WWTR1: variants seen among roughly 807,000 people sequenced by gnomAD.
WWTR1 encodes WW domain containing transcription regulator 1.
In WWTR1, 13 loss-of-function variants were observed where a neutral mutation model predicts 40.1. The ratio of observed to expected loss-of-function variants is 0.32; its 90% CI spans 0.21 to 0.52. The LOEUF is 0.52. Ranked by LOEUF, WWTR1 falls within the 20% of genes least tolerant of loss-of-function variation. The pLI is 0.97. For missense variants in WWTR1, 436 were observed against 523.1 expected (o/e 0.83, Z 1.63); for synonymous variants, 230 against 210.1 (o/e 1.09, Z -0.82).
intron 2 of WWTR1, among the ~76,000 whole-genome samples, chr3:149,634,228 C>A (rs1336133053): frequency 6.6e-6 from 1 of 152,186 alleles, no homozygotes; most frequent in Non-Finnish European, 1.5e-5. Context: ...CGGCTTTGGT[C>A]AAGTTCCTTA....
intron 2 of WWTR1, among the ~76,000 whole-genome samples, chr3:149,614,280 G>A (rs1469732430): frequency 6.6e-6 from 1 of 152,056 alleles, no homozygotes; most frequent in Non-Finnish European, 1.5e-5. Flanking sequence ...GAAATGTCGT[G>A]GCACAACACA....
intron 2 of WWTR1, among the ~76,000 whole-genome samples, chr3:149,669,410 C>T (rs747978890): frequency 6.6e-6 from 1 of 152,178 alleles, no homozygotes; most frequent in African/African-American, 2.4e-5. Context: ...CATCTGAACT[C>T]AAAAGGGCTT....
At chr3:149,639,002 T>C (rs1334745056) in intron 2 of WWTR1, among the ~76,000 whole-genome samples, 1 of 152,208 alleles carries the variant, frequency 6.6e-6, no homozygotes, top group Non-Finnish European at 1.5e-5. Context: ...GCAAATCTGA[T>C]GCCAGATACT....
chr3:149,616,248 T>C (rs987351354), intron 2 of WWTR1, among the ~76,000 whole-genome samples: 4 of 152,140 alleles, frequency 2.6e-5, no homozygotes, highest in African/African-American at 4.8e-5. Flanking sequence ...TTCCATAAGA[T>C]CTCATTTTTC....
chr3:149,545,943 G>A (rs539230801), intron 3 of WWTR1, among the ~76,000 whole-genome samples: 2 of 152,222 alleles, frequency 1.3e-5, no homozygotes, highest in Admixed American at 6.5e-5. Flanking sequence ...CCTTGTCGGT[G>A]TACAAAATGC....
rs1734942359 is a variant in WWTR1, at chr3:149,519,511, T to C, written c.*1294A>G. 1.3e-5 allele frequency: 2 copies of C among 152,244 alleles called. No individual in the cohort carries two copies. Among genetic ancestry groups the C allele is most frequent in the South Asian group, 4.1e-4 (2 of 4,838 alleles). 9.4% of individuals were successfully genotyped at this position (152,244 alleles called of 1,614,324 possible). ...AAAAGCAACAGCTCACTGTGTGTGG[T>C]GTGCTATCAGGTTGAAATCTATGTT... On this transcript the variant is annotated 3_prime_UTR_variant, in exon 7 of 7. Coordinates refer to ENST00000360632, the MANE Select transcript of WWTR1 (RefSeq NM_015472.6).
chr3:149,679,743 T>C (rs943890577), intron 1 of WWTR1, among the ~76,000 whole-genome samples: 2 of 152,016 alleles, frequency 1.3e-5, no homozygotes, highest in Non-Finnish European at 2.9e-5. Context: ...GATGAGCTCC[T>C]AGGGATGATG....
intron 2 of WWTR1, among the ~76,000 whole-genome samples, chr3:149,665,698 C>T (rs1650289062): frequency 6.6e-6 from 1 of 152,004 alleles, no homozygotes; most frequent in Non-Finnish European, 1.5e-5. Flanking sequence ...AAACAAAGAT[C>T]TGTGAATACT....
intron 3 of WWTR1, among the ~76,000 whole-genome samples, chr3:149,568,546 A>AAAAAC (rs1737455964): frequency 2.2e-5 from 3 of 139,456 alleles, no homozygotes; most frequent in Non-Finnish European, 3.0e-5. Flanking sequence ...AAAAAAAAAA[A>AAAAAC]AAAAAAAAAA....
chr3:149,579,072 A>G (rs1227705795), intron 2 of WWTR1, among the ~76,000 whole-genome samples: 1 of 152,226 alleles, frequency 6.6e-6, no homozygotes, highest in East Asian at 1.9e-4. Context: ...AAAAATAGGA[A>G]TGATTACAAG....
chr3:149,606,597 G>C (rs1193656390), intron 2 of WWTR1, among the ~76,000 whole-genome samples: 1 of 152,104 alleles, frequency 6.6e-6, no homozygotes, highest in Non-Finnish European at 1.5e-5. Flanking sequence ...TGAGGGGTGG[G>C]TAAAATACCA....
At chr3:149,614,053 T>C (rs1009803441) in intron 2 of WWTR1, among the ~76,000 whole-genome samples, 4 of 152,228 alleles carry the variant, frequency 2.6e-5, no homozygotes, top group Non-Finnish European at 4.4e-5. Context: ...TGTTCTTGCT[T>C]AAATGTCTTT....
At chr3:149,636,731 A>C (rs1560096605) in intron 2 of WWTR1, among the ~76,000 whole-genome samples, 1 of 152,150 alleles carries the variant, frequency 6.6e-6, no homozygotes, top group Non-Finnish European at 1.5e-5. Flanking sequence ...AAAATCATTT[A>C]TATTTCTTTC....
intron 2 of WWTR1, among the ~76,000 whole-genome samples, chr3:149,669,161 C>A (rs1247445161): frequency 3.3e-5 from 5 of 152,154 alleles, no homozygotes; most frequent in African/African-American, 1.2e-4. Flanking sequence ...CCCACATATA[C>A]AAGGTTATAC....
At chr3:149,612,322 G>A (rs999271148) in intron 2 of WWTR1, among the ~76,000 whole-genome samples, 1 of 151,606 alleles carries the variant, frequency 6.6e-6, no homozygotes, top group Non-Finnish European at 1.5e-5. Context: ...TGTTACAATG[G>A]GCATTGGGTA....
chr3:149,597,139 A>G (rs1237805663), intron 2 of WWTR1, among the ~76,000 whole-genome samples: 7 of 152,226 alleles, frequency 4.6e-5, no homozygotes, highest in African/African-American at 1.4e-4. Flanking sequence ...TGGCTTCACA[A>G]TAACTGTTAG....
chr3:149,694,709 G>C (rs1353396713), intron 1 of WWTR1, among the ~76,000 whole-genome samples: 1 of 152,230 alleles, frequency 6.6e-6, no homozygotes, highest in East Asian at 1.9e-4. Flanking sequence ...CTCATACACT[G>C]TTGGTGAGAA....
At chr3:149,636,095 C>T (rs1219556987) in intron 2 of WWTR1, among the ~76,000 whole-genome samples, 2 of 152,086 alleles carry the variant, frequency 1.3e-5, no homozygotes, top group Non-Finnish European at 2.9e-5. Flanking sequence ...ATGTGATGTT[C>T]CCAGGAGAAT....
At chr3:149,647,300 C>CT (rs903854198) in intron 2 of WWTR1, among the ~76,000 whole-genome samples, 23 of 150,062 alleles carry the variant, frequency 1.5e-4, no homozygotes, top group African/African-American at 4.4e-4. Context: ...TCTTTAAAAA[C>CT]TTTTTTTTTT....
Sources: gnomAD v4.1 joint callset for allele counts (sites outside exome capture counted in the v4.1 genomes callset) on GRCh38, gnomAD v4.1.1 for gene constraint, MANE v1.5 for transcripts, NCBI Gene and HGNC (gene_info 2026-07-23, HGNC 2026-07-21) for gene names.